POLA1: variants seen among roughly 807,000 people sequenced by gnomAD.
The protein encoded by POLA1 is DNA polymerase alpha catalytic subunit.
A neutral mutation model predicts 124.0 loss-of-function variants in POLA1; 15 were observed. The observed-to-expected ratio is 0.12, with a 90% confidence interval of 0.08 to 0.19. The LOEUF is 0.19. POLA1 is among the 10% of genes least tolerant of loss of function. POLA1 has a pLI of 1.00. For missense variants in POLA1, 886 were observed against 1,103.4 expected (o/e 0.80, Z 2.79); for synonymous variants, 408 against 389.4 (o/e 1.05, Z -0.56).
At chrX:24,869,380 G>A (rs2046837405) in intron 34 of POLA1, among the ~76,000 whole-genome samples, 1 of 112,380 alleles carries the variant, frequency 8.9e-6, no homozygotes, top group African/African-American at 3.2e-5. Flanking sequence ...TAGGGTGAAC[G>A]GCTTGCCCAA....
At position 24,928,926 on chromosome X, in the gene POLA1, T is replaced by G. The variant is rs1433937749; in HGVS notation, c.4165-1527T>G. 2.7e-5 allele frequency among the ~76,000 whole-genome samples: 3 copies of G among 112,042 alleles called. No homozygotes were observed. In the East Asian group the frequency reaches 8.4e-4, roughly 31 times the overall value. On this transcript the variant is annotated intron_variant, in intron 35 of 36. Coordinates refer to ENST00000379068, the MANE Select transcript of POLA1 (RefSeq NM_001330360.2). The stretch of plus-strand genomic sequence containing the variant: ...GTTCAGGTAAAGAAAGAGAGACTTG[T>G]GGAAGGAATGCGCCCACAAAAAAGA...
At chrX:24,805,399 T>C (rs1278851422) in intron 26 of POLA1, among the ~76,000 whole-genome samples, 7 of 111,758 alleles carry the variant, frequency 6.3e-5, no homozygotes, top group African/African-American at 2.3e-4. Context: ...CCGAGTCTCC[T>C]GATTGGGGAG....
intron 26 of POLA1, among the ~76,000 whole-genome samples, chrX:24,805,586 A>G (rs891690285): frequency 3.7e-4 from 42 of 112,373 alleles, no homozygotes; most frequent in Non-Finnish European, 2.1e-4. Context: ...TGCAGTTGAC[A>G]TTACAGGGTA....
intron 33 of POLA1, among the ~76,000 whole-genome samples, 172 bp from the exon 34 acceptor site, chrX:24,843,372 ATG>A (rs1446903757): frequency 8.9e-6 from 1 of 112,176 alleles, no homozygotes; most frequent in African/African-American, 3.2e-5. Flanking sequence ...AATGGAAGGT[ATG>A]TATGACTAAA....
At chrX:24,866,426 T>C (rs925187445) in intron 34 of POLA1, among the ~76,000 whole-genome samples, 1 of 111,951 alleles carries the variant, frequency 8.9e-6, no homozygotes, top group African/African-American at 3.2e-5. Flanking sequence ...TCTTGATCCA[T>C]TTCAAATTAG....
intron 36 of POLA1, among the ~76,000 whole-genome samples, chrX:24,983,922 A>G (rs1245824259): frequency 2.7e-5 from 3 of 111,219 alleles, no homozygotes; most frequent in Non-Finnish European, 5.7e-5. Context: ...GTCCTCTACT[A>G]CCTGCCTCCC....
rs775942747 is a variant in POLA1 at position 24,731,101 on chromosome X, T to C, written c.1687-1269T>C. ...TGAGCAGACATTATGTGCCTGTGCC[T>C]TTGGATAGAAGTAATCAGCGCCTCT... On this transcript the variant is annotated intron_variant, in intron 15 of 36. Transcript: ENST00000379068. Among the ~76,000 whole-genome samples, 6 of 112,270 alleles carry C rather than the reference T, an allele frequency of 5.3e-5. No individual in the cohort carries two copies. The South Asian group carries it at 2.3e-3, about 43-fold the overall frequency.
intron 32 of POLA1, among the ~76,000 whole-genome samples, chrX:24,833,053 AC>A (rs2046289105): frequency 9.2e-6 from 1 of 108,964 alleles, no homozygotes; most frequent in Admixed American, 9.8e-5. Flanking sequence ...TTTATTTCTC[AC>A]CCCCATCCCA....
intron 26 of POLA1, among the ~76,000 whole-genome samples, chrX:24,784,457 GC>G (rs917210507): frequency 9.1e-6 from 1 of 110,413 alleles, no homozygotes; most frequent in Non-Finnish European, 1.9e-5. Context: ...GCTGAGGCGG[GC>G]CGATCACCTG....
At chrX:24,983,704 G>A (rs2048447658) in intron 36 of POLA1, among the ~76,000 whole-genome samples, 1 of 111,951 alleles carries the variant, frequency 8.9e-6, no homozygotes, top group Non-Finnish European at 1.9e-5. Flanking sequence ...TTTTGCTAAA[G>A]CTTGCAAAAA....
intron 10 of POLA1, among the ~76,000 whole-genome samples, chrX:24,721,754 A>G (rs763174094): frequency 8.9e-6 from 1 of 112,345 alleles, no homozygotes; most frequent in African/African-American, 3.2e-5. Flanking sequence ...GTTGTGTCAA[A>G]TGAGGCATAA....
At chrX:24,989,493 A>T (rs2048512685) in intron 36 of POLA1, among the ~76,000 whole-genome samples, 3 of 108,641 alleles carry the variant, frequency 2.8e-5, no homozygotes, top group Admixed American at 2.0e-4. Context: ...TGGCACAATC[A>T]CAGCTCACTG....
chrX:24,881,115 GA>G lies in POLA1; in HGVS notation c.4048-6884del, dbSNP rs1221707722. On this transcript the variant is annotated intron_variant, in intron 34 of 36. Coordinates refer to ENST00000379068, the MANE Select transcript of POLA1 (RefSeq NM_001330360.2). ...CTTCACTATATTTTAGTTTGATCAGGAAAAAAATACGAAAATTTCACTTATG... is the reference window on the plus strand; with the variant it reads ...CTTCACTATATTTTAGTTTGATCAGGAAAAAATACGAAAATTTCACTTATG... 2.1e-4 allele frequency among the ~76,000 whole-genome samples: 23 copies of G among 111,521 alleles called. No homozygotes were observed. In the Admixed American group the frequency reaches 2.2e-3, roughly 11 times the overall value.
At position 24,723,204 on chromosome X, in the gene POLA1, T is replaced by C. The variant is rs769278154; in HGVS notation, c.1137T>C (p.His379=). The change falls in exon 11 of 37, where the codon CAT becomes CAC. Residue 379 remains histidine, a synonymous_variant. Transcript: ENST00000379068. ...GKVWIESAET[H]VSCCVMVKNI... ...TTTGGATTGAATCAGCCGAGACCCA[T>C]GTGAGCTGTTGTGTCATGGTGAAAA... 4.1e-6 allele frequency: 5 copies of C among 1,207,852 alleles called. No homozygotes were observed. Among genetic ancestry groups the C allele is most frequent in the Non-Finnish European group, 4.5e-6 (4 of 891,732 alleles).
At chrX:24,786,838 C>T (rs1165538096) in intron 26 of POLA1, among the ~76,000 whole-genome samples, 2 of 108,328 alleles carry the variant, frequency 1.8e-5, no homozygotes, top group African/African-American at 6.7e-5. Flanking sequence ...CAGGCATAGG[C>T]GTGCACCACC....
chrX:24,897,497 C>A (rs1196897041), intron 35 of POLA1, among the ~76,000 whole-genome samples: 1 of 110,440 alleles, frequency 9.1e-6, no homozygotes, highest in Non-Finnish European at 1.9e-5. Flanking sequence ...AGTGCATACC[C>A]AAGTGATGTT....
chrX:24,910,952 C>G lies in POLA1; in HGVS notation c.4165-19501C>G, dbSNP rs2047440591. Among the ~76,000 whole-genome samples the G allele has an allele frequency of 2.7e-5, 3 of 112,144 alleles. No homozygotes were observed. In the South Asian group the frequency reaches 1.1e-3, roughly 41 times the overall value. On this transcript the variant is annotated intron_variant, in intron 35 of 36. Coordinates refer to ENST00000379068, the MANE Select transcript of POLA1 (RefSeq NM_001330360.2). ...ACATTCTTTTCAAGTGTACATGGAA[C>G]ATTCAACAAGATAGACCATATTCTG...
At chrX:24,994,212 C>T (rs369236791) in intron 36 of POLA1, among the ~76,000 whole-genome samples, 1 of 112,489 alleles carries the variant, frequency 8.9e-6, no homozygotes, top group East Asian at 2.8e-4. Context: ...TCTGTTGCAG[C>T]CCCCCTCTCT....
rs761244819 is a variant in POLA1 at position 24,895,290 on chromosome X, A to C, written c.4164+7168A>C. 3.6e-5 allele frequency among the ~76,000 whole-genome samples: 4 copies of C among 112,290 alleles called. No individual in the cohort carries two copies. The South Asian group carries it at 1.5e-3, about 42-fold the overall frequency. ...TGTGAAAGAAATCCAGGTTTGGGCTATCCAGGATTGCTCTTGTGGCTCCAC... is the reference window on the plus strand; with the variant it reads ...TGTGAAAGAAATCCAGGTTTGGGCTCTCCAGGATTGCTCTTGTGGCTCCAC... On this transcript the variant is annotated intron_variant, in intron 35 of 36. Transcript: ENST00000379068.
Sources: allele counts gnomAD v4.1 joint callset (sites outside exome capture counted in the v4.1 genomes callset), GRCh38; gene constraint gnomAD v4.1.1; transcripts MANE v1.5; gene names NCBI Gene and HGNC (gene_info 2026-07-23, HGNC 2026-07-21).